Variants in PARD3B observed in about 807,000 individuals in gnomAD.
PARD3B encodes the protein par-3 family cell polarity regulator beta.
Under a neutral mutation model 130.2 loss-of-function variants are expected in PARD3B, and 103 were observed. The ratio of observed to expected loss-of-function variants is 0.79; its 90% CI spans 0.67 to 0.93. The LOEUF (loss-of-function observed/expected upper bound fraction) is 0.93. Ranked by LOEUF, PARD3B falls within the 40% of genes least tolerant of loss-of-function variation. PARD3B has a pLI of 0.00. For missense variants in PARD3B, 1,609 were observed against 1,499.2 expected, an observed-to-expected ratio of 1.07 and a Z score of -1.21; for synonymous variants, 583 against 553.2, an observed-to-expected ratio of 1.05 and a Z score of -0.76.
intron 2 of PARD3B, among the ~76,000 whole-genome samples, chr2:204,760,035 A>G (rs2040833152): frequency 6.6e-6 from 1 of 152,124 alleles, no homozygotes; most frequent in African/African-American, 2.4e-5. Flanking sequence ...TGAAATATAA[A>G]TACTGCATGG....
intron 3 of PARD3B, among the ~76,000 whole-genome samples, chr2:204,969,654 G>T (rs947487791): frequency 1.3e-5 from 2 of 152,198 alleles, no homozygotes; most frequent in Non-Finnish European, 2.9e-5. Flanking sequence ...TTGGCTTCTA[G>T]AACAGTGCTT....
intron 3 of PARD3B, among the ~76,000 whole-genome samples, chr2:205,036,726 G>A (rs1298096546): frequency 2.8e-5 from 4 of 144,122 alleles, no homozygotes; most frequent in African/African-American, 2.5e-5. Flanking sequence ...ATACACAGCG[G>A]ACTGTATGTA....
At chr2:205,363,832 CTTTTTTTTTT>C (rs59271830) in intron 18 of PARD3B, among the ~76,000 whole-genome samples, 3 of 97,200 alleles carry the variant, frequency 3.1e-5, no homozygotes, top group Non-Finnish European at 3.6e-5. Flanking sequence ...GCCTGACTGA[CTTTTTTTTTT>C]TTTTTTTTTT....
At chr2:204,941,331 A>G (rs1031206316) in intron 2 of PARD3B, among the ~76,000 whole-genome samples, 2 of 152,158 alleles carry the variant, frequency 1.3e-5, no homozygotes, top group African/African-American at 4.8e-5. Flanking sequence ...CCAAGATCCC[A>G]CCACTGCACT....
rs1435743655 is a variant in PARD3B, at chr2:204,673,608, T to C, written c.121-12573T>C. ...CCCCACCTCCAGTCTGCCACTGACT[T>C]GCCTCAAGTCTGTGCTCAAATGCCA... On this transcript the variant is annotated intron_variant, in intron 1 of 22. Coordinates refer to ENST00000406610, the MANE Select transcript of PARD3B (RefSeq NM_001302769.2). This position sits in a 1 kb window ranked among gnomAD's most constrained non-coding sequence, Gnocchi z 4.7. Among the ~76,000 whole-genome samples the C allele has an allele frequency of 6.6e-6, 1 of 152,214 alleles. No individual in the cohort carries two copies. The highest frequency in any genetic ancestry group is 2.4e-5 in the African/African-American group (1 of 41,460).
intron 1 of PARD3B, among the ~76,000 whole-genome samples, chr2:204,600,406 C>T (rs1339707080): frequency 6.6e-6 from 1 of 151,692 alleles, no homozygotes; most frequent in African/African-American, 2.4e-5. Flanking sequence ...TTCCTAGCAC[C>T]ATTTATTGAA....
intron 3 of PARD3B, among the ~76,000 whole-genome samples, chr2:205,040,486 A>G (rs980802527): frequency 6.6e-6 from 1 of 152,170 alleles, no homozygotes; most frequent in Non-Finnish European, 1.5e-5. Context: ...TTTCAAACTC[A>G]TTCAACAGTT....
chr2:205,316,381 A>C (rs2042564429), intron 18 of PARD3B, among the ~76,000 whole-genome samples: 1 of 152,172 alleles, frequency 6.6e-6, no homozygotes, highest in South Asian at 2.1e-4. Context: ...GACAGTTCTT[A>C]AGCACTGGAA....
intron 1 of PARD3B, among the ~76,000 whole-genome samples, chr2:204,685,105 A>G (rs938870869): frequency 3.3e-5 from 5 of 152,304 alleles, no homozygotes; most frequent in Non-Finnish European, 7.4e-5. Flanking sequence ...AGCTTTTATG[A>G]AATTGAAATT....
chr2:205,170,799 T>C (rs1416640820), intron 11 of PARD3B, among the ~76,000 whole-genome samples: 1 of 148,586 alleles, frequency 6.7e-6, no homozygotes, highest in Non-Finnish European at 1.5e-5. Context: ...TTTCTTTTAC[T>C]TTTTTTTTCT....
intron 2 of PARD3B, among the ~76,000 whole-genome samples, chr2:204,937,292 G>A (rs1350446770): frequency 1.3e-5 from 2 of 152,146 alleles, no homozygotes; most frequent in African/African-American, 4.8e-5. Context: ...TTTATGAACA[G>A]GACGTTTTCA....
intron 2 of PARD3B, among the ~76,000 whole-genome samples, chr2:204,733,272 C>T: frequency 6.6e-6 from 1 of 152,048 alleles, no homozygotes; most frequent in East Asian, 1.9e-4. Context: ...CATCATAAAA[C>T]ATGAAATACT....
At chr2:205,225,199 G>A (rs1335152636) in intron 15 of PARD3B, among the ~76,000 whole-genome samples, 3 of 152,154 alleles carry the variant, frequency 2.0e-5, no homozygotes, top group Non-Finnish European at 4.4e-5. Flanking sequence ...TTCCATAATA[G>A]TTGTACTAAT....
At chr2:205,595,849 A>G (rs919476329) in intron 22 of PARD3B, among the ~76,000 whole-genome samples, 2 of 152,170 alleles carry the variant, frequency 1.3e-5, no homozygotes, top group African/African-American at 4.8e-5. Context: ...GTTTGCTAAA[A>G]GGAGTGAGAG....
At chr2:205,238,343 C>T (rs187937831) in intron 15 of PARD3B, among the ~76,000 whole-genome samples, 13 of 152,218 alleles carry the variant, frequency 8.5e-5, no homozygotes, top group African/African-American at 2.2e-4. Flanking sequence ...GCAGTGGCAC[C>T]GGCTGTCATT....
intron 22 of PARD3B, among the ~76,000 whole-genome samples, chr2:205,556,540 T>C (rs539312004): frequency 6.6e-6 from 1 of 152,302 alleles, no homozygotes; most frequent in African/African-American, 2.4e-5. Flanking sequence ...ACTTGGTAGT[T>C]ATGAGGTTGC....
At chr2:205,389,797 G>A (rs889598546) in intron 18 of PARD3B, among the ~76,000 whole-genome samples, 1 of 152,154 alleles carries the variant, frequency 6.6e-6, no homozygotes, top group Non-Finnish European at 1.5e-5. Context: ...GGAATGAAAG[G>A]TCTAAGTATG....
chr2:204,572,933 T>C (rs2032077059), intron 1 of PARD3B, among the ~76,000 whole-genome samples: 1 of 152,208 alleles, frequency 6.6e-6, no homozygotes, highest in African/African-American at 2.4e-5. Context: ...GACCACTCTC[T>C]TCTTGGGAAA....
intron 18 of PARD3B, among the ~76,000 whole-genome samples, chr2:205,399,633 G>C (rs866490242): frequency 6.6e-6 from 1 of 152,126 alleles, no homozygotes; most frequent in African/African-American, 2.4e-5. Flanking sequence ...GGGATTACAG[G>C]CGTGAGCCAC....
Sources: allele counts gnomAD v4.1 joint callset (sites outside exome capture counted in the v4.1 genomes callset), GRCh38; gene constraint gnomAD v4.1.1; non-coding constraint Gnocchi (gnomAD v3.1); transcripts MANE v1.5; gene names NCBI Gene and HGNC (gene_info 2026-07-23, HGNC 2026-07-21).